Variants in TRPM8 observed in about 807,000 individuals in gnomAD.
TRPM8 encodes TRPM8 cationic channel.
TRPM8 carries 110 observed loss-of-function variants against 133.7 expected under a neutral mutation model. The ratio of observed to expected loss-of-function variants is 0.82; its 90% confidence interval spans 0.70 to 0.96. The LOEUF (loss-of-function observed/expected upper bound fraction) is 0.96, where lower values mean the gene tolerates loss of function less well. Among genes scored for constraint, TRPM8 ranks in the 40% least tolerant of loss-of-function variants. The probability of loss-of-function intolerance (pLI) is 0.00; values close to 1 mark genes in which losing one functional copy is unlikely to be tolerated. For synonymous variants in TRPM8, 535 were observed against 532.3 expected, an observed-to-expected ratio of 1.01 and a Z score of -0.07; for missense variants, 1,291 against 1,379.5, an observed-to-expected ratio of 0.94 and a Z score of 1.02.
chr2:233,921,274 A>G (rs1018278760), intron 1 of TRPM8, among the ~76,000 whole-genome samples: 1 of 152,168 alleles, frequency 6.6e-6, no homozygotes, highest in African/African-American at 2.4e-5. Flanking sequence ...GAACTGTTCC[A>G]TCACTAGAAA....
intron 24 of TRPM8, 81 bp from the exon 25 acceptor site, chr2:234,014,481 G>A (rs934029403): frequency 3.7e-5 from 30 of 812,968 alleles, no homozygotes; most frequent in Non-Finnish European, 4.3e-5. Flanking sequence ...CTGTTTCTTA[G>A]AAAAGGCACA....
At chr2:233,996,689 G>A (rs1245774957) in intron 22 of TRPM8, among the ~76,000 whole-genome samples, 173 bp downstream of exon 22, 2 of 152,348 alleles carry the variant, frequency 1.3e-5, no homozygotes, top group East Asian at 3.9e-4. Context: ...CTAGAGAAAT[G>A]TAGCTGAAGA....
At chr2:233,943,108 GTTTT>G (rs575082499) in intron 6 of TRPM8, 99 of 237,864 alleles carry the variant, frequency 4.2e-4, no homozygotes, top group African/African-American at 3.4e-3. Context: ...GGATGGCTAT[GTTTT>G]TTTTTTTATT....
At chr2:233,990,811 G>A (rs1468705916) in intron 21 of TRPM8, among the ~76,000 whole-genome samples, 2 of 152,160 alleles carry the variant, frequency 1.3e-5, no homozygotes, top group African/African-American at 4.8e-5. Flanking sequence ...CATCTAACCT[G>A]CCTCAGGTGC....
chr2:233,992,274 C>A (rs1300746180), intron 21 of TRPM8, among the ~76,000 whole-genome samples: 1 of 151,224 alleles, frequency 6.6e-6, no homozygotes, highest in East Asian at 1.9e-4. Flanking sequence ...TATTAAGCTC[C>A]TTTCTCTTTC....
At position 233,926,674 on chromosome 2, in the gene TRPM8, T is replaced by C. The variant is rs113747089; in HGVS notation, c.117+20T>C. The C allele has an allele frequency of 3.7e-5, 58 of 1,576,434 alleles. 1 individual carries two copies. In the Middle Eastern group the frequency reaches 6.7e-4, roughly 18 times the overall value. ...GAAAGCGTAAGTCATGCGCATCACC[T>C]GTTTGAAAGGTTATCATTGTAACCT... On this transcript the variant is annotated intron_variant, in intron 2 of 25. Coordinates refer to ENST00000324695, the MANE Select transcript of TRPM8 (RefSeq NM_024080.5).
intron 21 of TRPM8, among the ~76,000 whole-genome samples, chr2:233,991,345 T>A (rs1049904088): frequency 6.6e-5 from 10 of 152,240 alleles, no homozygotes; most frequent in Non-Finnish European, 1.5e-4. Flanking sequence ...TTGTCATCTC[T>A]TACTGCTGGC....
rs1691566313 is a variant in TRPM8, at chr2:233,927,783, TTTCTTTCTTTTCTTTCCTTCCTTCCTTCC to T, written c.117+1133_117+1161del. ...CTTTCTTTCTTTCTTTCTTTCTTTC[TTTCTTTCTTTTCTTTCCTTCCTTCCTTCC>T]TTCCTTCCTTCCTTCCTTCCTTCCT... On this transcript the variant is annotated intron_variant, in intron 2 of 25. Transcript: ENST00000324695. 2.4e-3 allele frequency among the ~76,000 whole-genome samples: 85 copies of T among 34,788 alleles called. 3 individuals are homozygous for T. Among genetic ancestry groups the T allele is most frequent in the African/African-American group, 0.013 (35 of 2,660 alleles). 22.8% of individuals were successfully genotyped at this position (34,788 alleles called of 152,430 possible).
chr2:233,918,476 C>A (rs1691346382), intron 1 of TRPM8, among the ~76,000 whole-genome samples: 1 of 152,018 alleles, frequency 6.6e-6, no homozygotes, highest in South Asian at 2.1e-4. Context: ...TGCATAGGGA[C>A]CCCTGCTTTT....
In TRPM8 at chr2:233,945,857, G is replaced by T; in HGVS notation, c.701G>T (p.Gly234Val). ...GACAAGTTTCCCTGTACTTTTCAGG[G>T]CTATTTTTTAGCCCAGTACCTTATG... is the stretch of plus-strand genomic sequence containing the variant. ...DTLIRNCDAEGYFLAQYLMDD... is the reference protein window; with the variant it reads ...DTLIRNCDAEVYFLAQYLMDD... Residue 234 changes from glycine to valine, a missense_variant and splice_region_variant, in exon 7 of 26, where the codon GGC (glycine) becomes GTC (valine). By Grantham distance (109) the Gly-to-Val change is moderately radical (BLOSUM62 -3). This residue lies in a region of TRPM8 where 963 missense variants were observed against 968.9 expected (regional missense o/e 0.99). Transcript: ENST00000324695. 1 of 1,609,022 alleles carries T rather than the reference G, an allele frequency of 6.2e-7. No individual in the cohort carries two copies. Among genetic ancestry groups the T allele is most frequent in the South Asian group, 1.1e-5 (1 of 90,630 alleles).
chr2:233,938,295 C>T (rs1389683061), intron 4 of TRPM8, among the ~76,000 whole-genome samples: 1 of 152,248 alleles, frequency 6.6e-6, no homozygotes, highest in Non-Finnish European at 1.5e-5. Context: ...TTCTCCACCT[C>T]GCCTGTGGGG....
At chr2:233,994,429 C>A (rs1692354484) in intron 21 of TRPM8, among the ~76,000 whole-genome samples, 1 of 152,190 alleles carries the variant, frequency 6.6e-6, no homozygotes, top group African/African-American at 2.4e-5. Flanking sequence ...ATGTGAGGAT[C>A]AGTCAACCAA....
chr2:234,008,271 C>T (rs1334888625), intron 24 of TRPM8, among the ~76,000 whole-genome samples, 168 bp downstream of exon 24: 1 of 152,192 alleles, frequency 6.6e-6, no homozygotes, highest in African/African-American at 2.4e-5. Flanking sequence ...ATGCTCTAAG[C>T]ATCTCCCAGG....
rs759433502 is a variant in TRPM8 at position 234,018,643 on chromosome 2, G to C, written c.*1387G>C. 2.0e-5 allele frequency: 3 copies of C among 151,600 alleles called. No individual in the cohort carries two copies. The highest frequency in any genetic ancestry group is 7.3e-5 in the African/African-American group (3 of 41,274). 9.4% of individuals were successfully genotyped at this position (151,600 alleles called of 1,614,324 possible). ...GCAGATCACTTGAGGTCAGGAGTTC[G>C]AGACCAGCCTGGCCAACATGGCAAA... is the stretch of plus-strand genomic sequence containing the variant. On this transcript the variant is annotated 3_prime_UTR_variant, in exon 26 of 26. Coordinates refer to ENST00000324695, the MANE Select transcript of TRPM8 (RefSeq NM_024080.5).
chr2:233,945,937 CT>C lies in TRPM8; in HGVS notation c.782del (p.Leu261ArgfsTer21). The C allele has an allele frequency of 6.2e-7, 1 of 1,614,150 alleles. No homozygotes were observed. The highest frequency in any genetic ancestry group is 8.5e-7 in the Non-Finnish European group (1 of 1,179,998). On this transcript the variant is annotated frameshift_variant, in exon 7 of 26. Transcript: ENST00000324695. LOFTEE classifies it high-confidence loss of function. ...CCTGGACAACAACCACACACATTTG[CT>C]GCTCGTGGACAATGGCTGTCATGGA... is the stretch of plus-strand genomic sequence containing the variant. ...YILDNNHTHL[L>X]LVDNGCHGHP...
chr2:233,966,707 G>C lies in TRPM8; in HGVS notation c.1977G>C (p.Leu659=), dbSNP rs1691585492. ...GGGGTGGAAGCAACTGTCTGGAGCT[G>C]GCGGTGGAGGCCACAGACCAGCATT... ...EAWGGSNCLE[L]AVEATDQHFI... Residue 659 remains leucine, a synonymous_variant, in exon 15 of 26, where the codon CTG becomes CTC. Coordinates refer to ENST00000324695, the MANE Select transcript of TRPM8 (RefSeq NM_024080.5). The C allele has an allele frequency of 6.2e-7, 1 of 1,610,970 alleles. No homozygotes were observed. Among genetic ancestry groups the C allele is most frequent in the Non-Finnish European group, 8.5e-7 (1 of 1,177,964 alleles).
chr2:233,970,394 G>A lies in TRPM8; in HGVS notation c.2323G>A (p.Val775Ile). The A allele has an allele frequency of 6.2e-7, 1 of 1,614,032 alleles. No homozygotes were observed. The highest frequency in any genetic ancestry group is 1.7e-5 in the Admixed American group (1 of 60,018). The change falls in exon 17 of 26, where the codon GTC becomes ATC. Residue 775 changes from valine to isoleucine, a missense_variant. Around this residue, in one of 2 missense-constraint regions of TRPM8, gnomAD observed 328 missense variants for 410.6 expected, o/e 0.80. Coordinates refer to ENST00000324695, the MANE Select transcript of TRPM8 (RefSeq NM_024080.5). Reference sequence around the variant, plus strand: ...CCCCGAGCTGGTCCTGTACTCGCTGGTCTTTGTCCTCTTCTGTGATGAAGT... The same window carrying A: ...CCCCGAGCTGGTCCTGTACTCGCTGATCTTTGTCCTCTTCTGTGATGAAGT... ...HPPELVLYSL[V>I]FVLFCDEVRQ...
Position 234,008,098 on chromosome 2 carries a change from A to G in TRPM8, c.3259A>G (p.Thr1087Ala). ...GAGGCATCGATTTAGACAACTGGAT[A>G]CAAAGGTATGGTTCTGTTAATAGTT... ...EMRHRFRQLDTKLNDLKGLLK... is the reference protein window; with the variant it reads ...EMRHRFRQLDAKLNDLKGLLK... The change falls in exon 24 of 26, where the codon ACA (threonine) becomes GCA (alanine). Residue 1087 changes from threonine (T) to alanine (A), a missense_variant. Thr to Ala is a moderately conservative substitution (Grantham distance 58, BLOSUM62 0). This residue lies in a region of TRPM8 where 328 missense variants were observed against 410.6 expected (regional missense o/e 0.80). Coordinates refer to ENST00000324695, the MANE Select transcript of TRPM8 (RefSeq NM_024080.5). 1 of 1,602,694 alleles carries G rather than the reference A, an allele frequency of 6.2e-7. No homozygotes were observed. Among genetic ancestry groups the G allele is most frequent in the Non-Finnish European group, 8.5e-7 (1 of 1,177,260 alleles).
chr2:233,997,665 G>T (rs570833257), intron 22 of TRPM8, among the ~76,000 whole-genome samples: 1 of 152,122 alleles, frequency 6.6e-6, no homozygotes, highest in East Asian at 1.9e-4. Context: ...TTCTCTGGTG[G>T]CTCCCCCCTA....
Sources: allele counts gnomAD v4.1 joint callset (sites outside exome capture counted in the v4.1 genomes callset), GRCh38; gene constraint gnomAD v4.1.1; regional missense constraint gnomAD v4.1.1; transcripts MANE v1.5; gene names NCBI Gene and HGNC (gene_info 2026-07-23, HGNC 2026-07-21).